Variants in KIDINS220 observed in about 807,000 individuals in gnomAD.
KIDINS220 encodes the protein kinase D interacting substrate 220, also known as kinase D-interacting substrate of 220 kDa.
KIDINS220 carries 63 observed loss-of-function variants against 157.6 expected under a neutral mutation model. That is an observed-to-expected ratio of 0.40 (90% CI 0.33 to 0.49). KIDINS220 has a LOEUF of 0.49. Among genes scored for constraint, KIDINS220 ranks in the 20% least tolerant of loss-of-function variants. The probability of loss-of-function intolerance (pLI) is 0.66; values close to 1 mark genes in which losing one functional copy is unlikely to be tolerated. For missense variants in KIDINS220, 1,772 were observed against 2,171.2 expected (o/e 0.82, Z 3.65); for synonymous variants, 732 against 783.6 (o/e 0.93, Z 1.10).
intron 27 of KIDINS220, among the ~76,000 whole-genome samples, chr2:8,735,886 C>A (rs1664787391): frequency 6.6e-6 from 1 of 152,172 alleles, no homozygotes; most frequent in South Asian, 2.1e-4. Flanking sequence ...GGGGAGAAAA[C>A]CACTACCCCG....
chr2:8,782,771 C>A (rs922689076), intron 17 of KIDINS220, among the ~76,000 whole-genome samples: 1 of 152,134 alleles, frequency 6.6e-6, no homozygotes, highest in Non-Finnish European at 1.5e-5. Context: ...ATGCAAAAAA[C>A]CTCAACAAAA....
Position 8,818,789 on chromosome 2 carries a change from C to T in KIDINS220, c.113G>A (p.Gly38Asp). 1 of 1,586,386 alleles carries T rather than the reference C, an allele frequency of 6.3e-7. No homozygotes were observed. Among genetic ancestry groups the T allele is most frequent in the Admixed American group, 1.7e-5 (1 of 57,738 alleles). The change falls in exon 3 of 30, where the codon GGC (glycine) becomes GAC (aspartate). Residue 38 changes from glycine (G) to aspartate (D), a missense_variant. By Grantham distance (94) the Gly-to-Asp change is moderately conservative. Around this residue, in one of 3 missense-constraint regions of KIDINS220, gnomAD observed 254 missense variants for 268.6 expected, o/e 0.95. Transcript: ENST00000256707. ...CKDVDERNECGQTPLMIAAEQ... is the reference protein window; with the variant it reads ...CKDVDERNECDQTPLMIAAEQ... ...GGCAGCTATCATCAGTGGAGTCTGG[C>T]CACACTAGAGAATATAAAAGACAAA...
chr2:8,819,526 G>A (rs932329137), intron 2 of KIDINS220, among the ~76,000 whole-genome samples: 13 of 152,204 alleles, frequency 8.5e-5, no homozygotes, highest in Middle Eastern at 3.4e-3. Flanking sequence ...GAAACAGATC[G>A]GCAAATACCA....
chr2:8,827,484 T>C (rs1405450068), intron 1 of KIDINS220, among the ~76,000 whole-genome samples: 2 of 152,168 alleles, frequency 1.3e-5, no homozygotes, highest in Non-Finnish European at 2.9e-5. Flanking sequence ...GTTCATGACT[T>C]ACCTCTTCCT....
At chr2:8,751,039 G>C (rs1480803732) in intron 23 of KIDINS220, among the ~76,000 whole-genome samples, 2 of 152,126 alleles carry the variant, frequency 1.3e-5, no homozygotes, top group Non-Finnish European at 2.9e-5. Flanking sequence ...TATCTGAAAA[G>C]TAATATAAAG....
intron 21 of KIDINS220, among the ~76,000 whole-genome samples, chr2:8,774,156 C>T (rs377134096): frequency 2.0e-5 from 3 of 151,860 alleles, no homozygotes; most frequent in Non-Finnish European, 4.4e-5. Flanking sequence ...ATTAGCCGGG[C>T]GTGGTGGCAC....
chr2:8,802,831 G>A, intron 8 of KIDINS220, 99 bp downstream of exon 8: 1 of 897,802 alleles, frequency 1.1e-6, no homozygotes, highest in Non-Finnish European at 1.7e-6. Context: ...TTTAAAACAA[G>A]TTTATGTCAT....
At chr2:8,782,626 A>T (rs1218079193) in intron 17 of KIDINS220, among the ~76,000 whole-genome samples, 1 of 152,196 alleles carries the variant, frequency 6.6e-6, no homozygotes, top group African/African-American at 2.4e-5. Flanking sequence ...TCTACATAGG[A>T]TCTTTCAGAA....
rs1376081345 is a variant in KIDINS220 at position 8,750,280 on chromosome 2, G to A, written c.3246C>T (p.Leu1082=). 3 of 1,613,504 alleles carry A rather than the reference G, an allele frequency of 1.9e-6. No individual in the cohort carries two copies. Among genetic ancestry groups the A allele is most frequent in the African/African-American group, 1.3e-5 (1 of 74,920 alleles). Residue 1082 remains leucine, a synonymous_variant, in exon 24 of 30, where the codon CTC becomes CTT. Coordinates refer to ENST00000256707, the MANE Select transcript of KIDINS220 (RefSeq NM_020738.4). ...CCCTAGGAGGACCCTCATGTAGAGGGAGCGGGGGGTACGCCAGTCCTCCAA... is the reference window on the plus strand; with the variant it reads ...CCCTAGGAGGACCCTCATGTAGAGGAAGCGGGGGGTACGCCAGTCCTCCAA... The part of the protein sequence containing the change: ...ISIGGLAYPP[L]PLHEGPPRAP...
intron 27 of KIDINS220, among the ~76,000 whole-genome samples, chr2:8,736,523 C>T (rs1374278865): frequency 1.3e-5 from 2 of 152,162 alleles, no homozygotes; most frequent in Non-Finnish European, 2.9e-5. Context: ...AAATGTAACA[C>T]AAAGGTTTTC....
chr2:8,815,592 C>T (rs577327342), intron 4 of KIDINS220, among the ~76,000 whole-genome samples: 1 of 152,132 alleles, frequency 6.6e-6, no homozygotes, highest in African/African-American at 2.4e-5. Context: ...TTGCTTGAAC[C>T]TGGGAGGCAG....
chr2:8,811,011 T>A (rs1347846798), intron 6 of KIDINS220, among the ~76,000 whole-genome samples: 2 of 152,212 alleles, frequency 1.3e-5, no homozygotes, highest in Admixed American at 1.3e-4. Flanking sequence ...TATACTAATT[T>A]TCACTGTACT....
Position 8,776,849 on chromosome 2 carries a change from T to C in KIDINS220, c.2747A>G (p.Gln916Arg). ...CAGTTTTGTAAGATCAAAGGACATC[T>C]GGCGAGTGATGGTCCTCTGCATCTG... The part of the protein sequence containing the change: ...RRQMQRTITR[Q>R]MSFDLTKLLV... The change falls in exon 21 of 30, where the codon CAG (glutamine) becomes CGG (arginine). Residue 916 changes from glutamine to arginine, a missense_variant. Transcript: ENST00000256707. 1 of 1,614,086 alleles carries C rather than the reference T, an allele frequency of 6.2e-7. No individual in the cohort carries two copies. Among genetic ancestry groups the C allele is most frequent in the Non-Finnish European group, 8.5e-7 (1 of 1,179,964 alleles).
intron 21 of KIDINS220, among the ~76,000 whole-genome samples, chr2:8,773,158 T>C (rs1178977581): frequency 1.3e-5 from 2 of 152,250 alleles, no homozygotes; most frequent in African/African-American, 4.8e-5. Context: ...TAGAAATTTT[T>C]CATAGGCAGA....
intron 5 of KIDINS220, 106 bp from the exon 6 acceptor site, chr2:8,812,599 T>G: frequency 2.1e-6 from 1 of 472,530 alleles, no homozygotes; most frequent in East Asian, 3.5e-5. Context: ...TTTAGGTAGA[T>G]ATTTACAACA....
At chr2:8,805,781 A>G (rs1461049955) in intron 7 of KIDINS220, among the ~76,000 whole-genome samples, 1 of 152,216 alleles carries the variant, frequency 6.6e-6, no homozygotes, top group African/African-American at 2.4e-5. Context: ...GTTTAGATAA[A>G]GAAATACCAT....
At chr2:8,803,898 A>G (rs893610351) in intron 7 of KIDINS220, among the ~76,000 whole-genome samples, 25 of 152,280 alleles carry the variant, frequency 1.6e-4, no homozygotes, top group African/African-American at 5.8e-4. Context: ...TACCAGAAGT[A>G]GTATTAAAAC....
chr2:8,757,296 C>A (rs1185195320), intron 22 of KIDINS220: 2 of 996,600 alleles, frequency 2.0e-6, no homozygotes, highest in Non-Finnish European at 2.4e-6. Context: ...AGGGAAGCAG[C>A]ATGTCCTACA....
At chr2:8,785,117 T>G (rs1213316866) in intron 17 of KIDINS220, among the ~76,000 whole-genome samples, 2 of 152,206 alleles carry the variant, frequency 1.3e-5, no homozygotes, top group Non-Finnish European at 2.9e-5. Flanking sequence ...TGAAGGGCAC[T>G]TAAATGCATA....
Sources: gnomAD v4.1 joint callset for allele counts (sites outside exome capture counted in the v4.1 genomes callset) on GRCh38, gnomAD v4.1.1 for gene constraint, gnomAD v4.1.1 regional missense constraint, MANE v1.5 for transcripts, NCBI Gene and HGNC (gene_info 2026-07-23, HGNC 2026-07-21) for gene names.